The following ACO1 variants were observed in gnomAD, a reference collection of about 807,000 sequenced individuals.
ACO1 encodes cytoplasmic aconitate hydratase.
Under a neutral mutation model 105.1 loss-of-function variants are expected in ACO1, and 78 were observed. The observed-to-expected ratio is 0.74, with a 90% confidence interval of 0.62 to 0.90. The LOEUF is 0.90. ACO1 is among the 40% of genes least tolerant of loss of function. The pLI is 0.00. For synonymous variants in ACO1, 364 were observed against 397.4 expected (o/e 0.92, Z 1.00); for missense variants, 965 against 1,111.1 (o/e 0.87, Z 1.87).
At position 32,427,395 on chromosome 9, in the gene ACO1, C is replaced by T. The variant is rs758329042; in HGVS notation, c.1443C>T (p.Tyr481=). 6.3e-5 allele frequency: 102 copies of T among 1,614,108 alleles called. No individual in the cohort carries two copies. Among genetic ancestry groups the T allele is most frequent in the Non-Finnish European group, 7.9e-5 (93 of 1,180,060 alleles). ...CTGGGAGTGGCGTGGTCACCTACTA[C>T]CTACAAGAAAGCGGAGTCATGCCTT... ...LSPGSGVVTY[Y]LQESGVMPYL... The change falls in exon 12 of 21, where the codon TAC becomes TAT. Residue 481 remains tyrosine, a synonymous_variant. Transcript: ENST00000309951.
At chr9:32,427,768 T>TA (rs911579372) in intron 12 of ACO1, among the ~76,000 whole-genome samples, 1 of 151,898 alleles carries the variant, frequency 6.6e-6, no homozygotes, top group Non-Finnish European at 1.5e-5. Context: ...ACTAACTTAA[T>TA]AAAAAAAAGT....
rs558222741 is a variant in ACO1 at position 32,439,475 on chromosome 9, G to A, written c.2248-990G>A. ...TCTCTTTTGAGGAATTTTATCTTCT[G>A]ACTTACATAGCCTGGAAAAATAATG... On this transcript the variant is annotated intron_variant, in intron 18 of 20. Transcript: ENST00000309951. The surrounding 1 kb of genome is among the most constrained non-coding windows in gnomAD (Gnocchi z 4.0). Among the ~76,000 whole-genome samples the A allele has an allele frequency of 1.3e-5, 2 of 152,204 alleles. No individual in the cohort carries two copies. Among genetic ancestry groups the A allele is most frequent in the East Asian group, 1.9e-4 (1 of 5,178 alleles).
chr9:32,409,584 C>A (rs1191561956), intron 4 of ACO1, among the ~76,000 whole-genome samples: 1 of 152,180 alleles, frequency 6.6e-6, no homozygotes, highest in Non-Finnish European at 1.5e-5. Flanking sequence ...CGTGCAGTGG[C>A]TCATGCCTGT....
At chr9:32,418,750 A>C (rs889449055) in intron 6 of ACO1, among the ~76,000 whole-genome samples, 3 of 152,282 alleles carry the variant, frequency 2.0e-5, no homozygotes, top group Middle Eastern at 3.4e-3. Flanking sequence ...ATACACAAAA[A>C]TCACCTGGGG....
chr9:32,386,807 T>C (rs900527324), intron 1 of ACO1, among the ~76,000 whole-genome samples: 6 of 152,220 alleles, frequency 3.9e-5, no homozygotes, highest in Non-Finnish European at 8.8e-5. Context: ...AGATTTTTAT[T>C]GGCCACCTAT....
chr9:32,388,497 C>G (rs533391249), intron 1 of ACO1, among the ~76,000 whole-genome samples: 1 of 152,202 alleles, frequency 6.6e-6, no homozygotes, highest in African/African-American at 2.4e-5. Context: ...TCACGGCACT[C>G]CAGCCTGGGC....
At chr9:32,435,322 C>A (rs1802520907) in intron 17 of ACO1, among the ~76,000 whole-genome samples, 1 of 152,100 alleles carries the variant, frequency 6.6e-6, no homozygotes, top group African/African-American at 2.4e-5. Context: ...GAACAGAATC[C>A]AAATGCCTTT....
Position 32,450,312 on chromosome 9 carries a change from C to CTTTTTCCAGAAT in ACO1, c.*204_*215dup. 3 of 663,718 alleles carry CTTTTTCCAGAAT rather than the reference C, an allele frequency of 4.5e-6. No homozygotes were observed. Among genetic ancestry groups the CTTTTTCCAGAAT allele is most frequent in the Non-Finnish European group, 8.4e-6 (3 of 355,836 alleles). The allele number at this position is 663,718 out of a possible 1,614,324, so 41.1% of individuals were successfully genotyped here. A position where few individuals can be genotyped will look rare whatever the true frequency, so the allele number is the denominator to read the frequency against. ...TCTCTATTTTTGTTAATCATCTTCT[C>CTTTTTCCAGAAT]TTTTTCCAGAATTTGGAAGCTAGAA... On this transcript the variant is annotated 3_prime_UTR_variant, in exon 21 of 21. Transcript: ENST00000309951.
intron 14 of ACO1, 129 bp downstream of exon 14, chr9:32,430,703 T>G (rs960515094): frequency 9.5e-7 from 1 of 1,048,090 alleles, no homozygotes; most frequent in Non-Finnish European, 1.3e-6. Flanking sequence ...GAGAATAATT[T>G]CTTTATTCCC....
intron 19 of ACO1, 79 bp from the exon 20 acceptor site, chr9:32,448,817 T>C: frequency 6.6e-7 from 1 of 1,512,100 alleles, no homozygotes; most frequent in Middle Eastern, 1.7e-4. Flanking sequence ...ATGCCAGCTC[T>C]CTCACAAAGT....
chr9:32,408,782 C>A, intron 4 of ACO1, 131 bp downstream of exon 4: 1 of 1,088,782 alleles, frequency 9.2e-7, no homozygotes, highest in Non-Finnish European at 1.3e-6. Flanking sequence ...ACTTAAACTT[C>A]ATATACATTT....
chr9:32,394,018 T>C (rs151269969), intron 1 of ACO1, among the ~76,000 whole-genome samples: 2 of 152,330 alleles, frequency 1.3e-5, no homozygotes, highest in African/African-American at 4.8e-5. Context: ...TTACCTTTGG[T>C]AAAAATTCAA....
intron 1 of ACO1, among the ~76,000 whole-genome samples, chr9:32,388,905 G>A (rs1232682825): frequency 6.6e-6 from 1 of 152,118 alleles, no homozygotes; most frequent in African/African-American, 2.4e-5. Context: ...TGATAGGAAT[G>A]TTGCCACCAT....
intron 4 of ACO1, among the ~76,000 whole-genome samples, chr9:32,415,570 A>G (rs1821829847): frequency 2.0e-5 from 3 of 152,136 alleles, no homozygotes; most frequent in Non-Finnish European, 4.4e-5. Flanking sequence ...GACAGGTGGG[A>G]ACTGGAGTGA....
intron 19 of ACO1, chr9:32,445,695 A>G: frequency 4.4e-6 from 1 of 229,034 alleles, no homozygotes; most frequent in South Asian, 4.0e-5. Context: ...AGTTCTTTTA[A>G]CTGTGATGTT....
Position 32,430,442 on chromosome 9 carries a change from C to CT in ACO1, c.1595dup (p.Ser533IlefsTer7). The CT allele has an allele frequency of 6.2e-7, 1 of 1,612,036 alleles. No individual in the cohort carries two copies. Among genetic ancestry groups the CT allele is most frequent in the South Asian group, 1.1e-5 (1 of 90,430 alleles). On this transcript the variant is annotated frameshift_variant, in exon 14 of 21. Coordinates refer to ENST00000309951, the MANE Select transcript of ACO1 (RefSeq NM_002197.3). LOFTEE classifies it high-confidence loss of function. ...GGGAGACCTTGTAGCTGTTGGAGTA[C>CT]TATCTGGAAACAGGAATTTTGAAGG...
intron 1 of ACO1, among the ~76,000 whole-genome samples, chr9:32,400,625 T>C (rs961108417): frequency 4.6e-5 from 7 of 152,270 alleles, no homozygotes; most frequent in Non-Finnish European, 8.8e-5. Context: ...CCAGGAACTT[T>C]ACGGACCATT....
Position 32,405,578 on chromosome 9 carries a change from G to A in ACO1, c.72G>A (p.Leu24=), listed in dbSNP as rs1587521266. The change falls in exon 2 of 21, where the codon TTG becomes TTA. Residue 24 remains leucine, a synonymous_variant. Transcript: ENST00000309951. ...AACCAGGAAAGAAATTCTTCAATTTGAATAAATTGGAGGATTCAAGATATG... is the reference window on the plus strand; with the variant it reads ...AACCAGGAAAGAAATTCTTCAATTTAAATAAATTGGAGGATTCAAGATATG... ...PVQPGKKFFN[L]NKLEDSRYGR... 1 of 1,612,794 alleles carries A rather than the reference G, an allele frequency of 6.2e-7. No individual in the cohort carries two copies. Among genetic ancestry groups the A allele is most frequent in the East Asian group, 2.2e-5 (1 of 44,868 alleles).
intron 1 of ACO1, among the ~76,000 whole-genome samples, chr9:32,400,947 GTT>G (rs10713644): frequency 1.5e-3 from 209 of 143,596 alleles, no homozygotes; most frequent in African/African-American, 2.7e-3. Context: ...TGGTCTTGAA[GTT>G]TTTTTTTTTT....
Sources: allele counts gnomAD v4.1 joint callset (sites outside exome capture counted in the v4.1 genomes callset), GRCh38; gene constraint gnomAD v4.1.1; non-coding constraint Gnocchi (gnomAD v3.1); transcripts MANE v1.5; gene names NCBI Gene and HGNC (gene_info 2026-07-23, HGNC 2026-07-21).